SNX29: variants seen among roughly 807,000 people sequenced by gnomAD.
SNX29 encodes the protein sorting nexin-29.
SNX29 carries 78 observed loss-of-function variants against 102.1 expected under a neutral mutation model. The ratio of observed to expected loss-of-function variants is 0.76; its 90% CI spans 0.64 to 0.92. The LOEUF (loss-of-function observed/expected upper bound fraction) is 0.92, where lower values mean the gene tolerates loss of function less well. SNX29 is among the 40% of genes least tolerant of loss of function. The pLI is 0.00. For missense variants in SNX29, 1,280 were observed against 1,061.7 expected (o/e 1.21, Z -2.86); for synonymous variants, 580 against 414.5 (o/e 1.40, Z -4.85).
At chr16:12,260,670 T>G (rs965595351) in intron 14 of SNX29, among the ~76,000 whole-genome samples, 4 of 152,070 alleles carry the variant, frequency 2.6e-5, no homozygotes, top group Admixed American at 2.0e-4. Context: ...GGAGTGGATG[T>G]TTGCTATGAG....
intron 3 of SNX29, among the ~76,000 whole-genome samples, chr16:12,026,106 G>A (rs777362883): frequency 5.3e-5 from 8 of 152,192 alleles, no homozygotes; most frequent in East Asian, 3.8e-4. Context: ...GCAAATGCCC[G>A]AGGCCAGGCA....
At chr16:12,003,970 A>C (rs2056375342) in intron 3 of SNX29, among the ~76,000 whole-genome samples, 1 of 152,004 alleles carries the variant, frequency 6.6e-6, no homozygotes, top group Non-Finnish European at 1.5e-5. Context: ...TAGGAGGTGG[A>C]GGTTGCAGTG....
At chr16:12,542,938 C>G (rs941720886) in intron 20 of SNX29, among the ~76,000 whole-genome samples, 1 of 152,144 alleles carries the variant, frequency 6.6e-6, no homozygotes, top group Non-Finnish European at 1.5e-5. Context: ...TAGAGCCCTA[C>G]TTCAAATTAG....
chr16:12,568,943 G>A lies in SNX29; in HGVS notation c.*314G>A, dbSNP rs1234278566. 2.5e-6 allele frequency: 1 copy of A among 400,062 alleles called. No individual in the cohort carries two copies. The highest frequency in any genetic ancestry group is 4.5e-6 in the Non-Finnish European group (1 of 223,022). 24.8% of individuals were successfully genotyped at this position (400,062 alleles called of 1,614,324 possible). A position where few individuals can be genotyped will look rare whatever the true frequency, so the allele number is the denominator to read the frequency against. On this transcript the variant is annotated 3_prime_UTR_variant, in exon 21 of 21. Transcript: ENST00000566228. The stretch of plus-strand genomic sequence containing the variant: ...TGTAGTTCAGGGCTGGCAGGAGGGT[G>A]GGCACCAGGTCAGGCTGGGTGCGCC...
intron 20 of SNX29, chr16:12,527,250 G>C: frequency 1.9e-6 from 1 of 533,368 alleles, no homozygotes; most frequent in South Asian, 1.5e-5. Flanking sequence ...CCTTACCCGT[G>C]CTGACGAATC....
At chr16:12,234,889 T>A (rs2077878618) in intron 14 of SNX29, among the ~76,000 whole-genome samples, 1 of 152,210 alleles carries the variant, frequency 6.6e-6, no homozygotes, top group Non-Finnish European at 1.5e-5. Flanking sequence ...TGTTTGGGTC[T>A]CAGCTCCCTA....
intron 20 of SNX29, among the ~76,000 whole-genome samples, chr16:12,550,662 C>G (rs888044704): frequency 1.3e-5 from 2 of 152,030 alleles, no homozygotes; most frequent in Non-Finnish European, 2.9e-5. Flanking sequence ...TAGTGGAGGA[C>G]CAAGGTGGGA....
In SNX29 at chr16:12,497,110, A is replaced by G. The variant is rs556781737; in HGVS notation, c.2178+19251A>G. On this transcript the variant is annotated intron_variant, in intron 19 of 20. Transcript: ENST00000566228. ...GGGACCTGCCCTCCCTGTTATCTCC[A>G]GGACCAATGACTTCAGAGGACTGAA... is the stretch of plus-strand genomic sequence containing the variant. Among the ~76,000 whole-genome samples, 10 of 152,320 alleles carry G rather than the reference A, an allele frequency of 6.6e-5. 1 individual carries two copies. The South Asian group carries it at 2.1e-3, about 32-fold the overall frequency.
intron 14 of SNX29, among the ~76,000 whole-genome samples, chr16:12,229,700 T>C (rs577025586): frequency 2.9e-4 from 44 of 152,040 alleles, no homozygotes; most frequent in African/African-American, 9.4e-4. Context: ...TACCTAACAA[T>C]TGAAGTAGTG....
chr16:12,280,069 G>C (rs1001835500), intron 15 of SNX29, among the ~76,000 whole-genome samples: 3 of 152,200 alleles, frequency 2.0e-5, no homozygotes, highest in Admixed American at 6.5e-5. Context: ...CCCTCTGATT[G>C]ATTGGGTGTT....
intron 10 of SNX29, among the ~76,000 whole-genome samples, chr16:12,071,001 C>T (rs1015778645): frequency 5.9e-5 from 9 of 151,922 alleles, no homozygotes; most frequent in African/African-American, 2.2e-4. Context: ...ATATCCTTTG[C>T]CCACTTTTTG....
intron 18 of SNX29, among the ~76,000 whole-genome samples, chr16:12,457,100 A>G (rs80055574): frequency 0.019 from 2,910 of 152,294 alleles, 101 homozygotes; most frequent in African/African-American, 0.066. Flanking sequence ...CTAAGTAGCA[A>G]TACATTCAGG....
chr16:12,516,874 C>T (rs1278379498), intron 19 of SNX29, among the ~76,000 whole-genome samples: 1 of 152,196 alleles, frequency 6.6e-6, no homozygotes, highest in Non-Finnish European at 1.5e-5. Flanking sequence ...GGGGCGGGGC[C>T]TGAGCATTGC....
intron 16 of SNX29, among the ~76,000 whole-genome samples, chr16:12,361,140 G>A (rs144512689): frequency 2.8e-4 from 43 of 152,328 alleles, no homozygotes; most frequent in Non-Finnish European, 5.0e-4. Flanking sequence ...TGGGATGTGG[G>A]GATGGAGGCC....
In SNX29 at chr16:12,572,881, C is replaced by T. The variant is rs1212009045; in HGVS notation, c.*4252C>T. 3.8e-6 allele frequency: 4 copies of T among 1,058,976 alleles called. No individual in the cohort carries two copies. Among genetic ancestry groups the T allele is most frequent in the Non-Finnish European group, 3.4e-6 (3 of 873,894 alleles). 65.6% of individuals were successfully genotyped at this position (1,058,976 alleles called of 1,614,324 possible). ...CCTAAAGGTAATGATTGTCTTGACT[C>T]TGCCTTGGCATTTCGCTCGGAATCA... On this transcript the variant is annotated 3_prime_UTR_variant, in exon 21 of 21. Transcript: ENST00000566228.
intron 13 of SNX29, among the ~76,000 whole-genome samples, chr16:12,188,969 T>C (rs562376027): frequency 7.9e-5 from 12 of 152,160 alleles, no homozygotes; most frequent in Non-Finnish European, 4.4e-5. Context: ...ATAATCGTTA[T>C]GATTGTGATA....
chr16:12,156,945 C>T (rs1168466181), intron 13 of SNX29, among the ~76,000 whole-genome samples: 1 of 152,148 alleles, frequency 6.6e-6, no homozygotes, highest in African/African-American at 2.4e-5. Context: ...GGCAGGGAGG[C>T]CCCTGTTTTA....
intron 20 of SNX29, among the ~76,000 whole-genome samples, chr16:12,555,504 G>C (rs2078277828): frequency 6.6e-6 from 1 of 151,838 alleles, no homozygotes; most frequent in South Asian, 2.1e-4. Flanking sequence ...GAGTCACGCA[G>C]GGATTGACTG....
chr16:12,134,590 C>T (rs1010637364), intron 13 of SNX29, among the ~76,000 whole-genome samples: 1 of 152,190 alleles, frequency 6.6e-6, no homozygotes, highest in African/African-American at 2.4e-5. Context: ...GAAGAGAGCG[C>T]ACCCAAGATG....
Sources: allele counts gnomAD v4.1 joint callset (sites outside exome capture counted in the v4.1 genomes callset), GRCh38; gene constraint gnomAD v4.1.1; transcripts MANE v1.5; gene names NCBI Gene and HGNC (gene_info 2026-07-23, HGNC 2026-07-21).